The following EFCAB8 variants were observed in gnomAD, a reference collection of about 807,000 sequenced individuals.
EFCAB8 encodes EF-hand calcium binding domain 8, also known as EF-hand calcium-binding domain-containing protein 8.
Under a neutral mutation model 116.3 loss-of-function variants are expected in EFCAB8, and 100 were observed. The ratio of observed to expected loss-of-function variants is 0.86; its 90% CI spans 0.73 to 1.02. EFCAB8 has a LOEUF of 1.02. Among genes scored for constraint, EFCAB8 ranks in the 50% least tolerant of loss-of-function variants. The pLI, the probability that EFCAB8 is intolerant of heterozygous loss-of-function variation, is 0.00. For missense variants in EFCAB8, 1,320 were observed against 1,416.9 expected, an observed-to-expected ratio of 0.93 and a Z score of 1.10; for synonymous variants, 558 against 567.9, an observed-to-expected ratio of 0.98 and a Z score of 0.25.
At chr20:32,864,059 C>T (rs1186635707) in intron 2 of EFCAB8, among the ~76,000 whole-genome samples, 3 of 151,960 alleles carry the variant, frequency 2.0e-5, no homozygotes, top group African/African-American at 7.2e-5. Flanking sequence ...TCACTGAAAC[C>T]TCTGCCTCCT....
intron 1 of EFCAB8, among the ~76,000 whole-genome samples, chr20:32,859,850 A>G (rs1984012693): frequency 6.6e-6 from 1 of 152,236 alleles, no homozygotes; most frequent in Non-Finnish European, 1.5e-5. Flanking sequence ...TATAGAGTCC[A>G]TGTTCAAATT....
chr20:32,896,334 T>A, intron 9 of EFCAB8, 120 bp from the exon 10 acceptor site: 1 of 645,620 alleles, frequency 1.5e-6, no homozygotes, highest in Non-Finnish European at 2.8e-6. Context: ...AGGGTTTGGG[T>A]GGAAAAGCCT....
chr20:32,905,078 C>T (rs1986611868), intron 11 of EFCAB8, among the ~76,000 whole-genome samples: 1 of 152,180 alleles, frequency 6.6e-6, no homozygotes. Flanking sequence ...CTGGGCCTCT[C>T]CAGCCCTCTG....
chr20:32,904,399 C>G (rs557442295), intron 11 of EFCAB8, among the ~76,000 whole-genome samples: 1 of 151,408 alleles, frequency 6.6e-6, no homozygotes, highest in Admixed American at 6.6e-5. Flanking sequence ...CTCCTGGGTT[C>G]TAGCAATCCT....
chr20:32,940,806 A>G lies in EFCAB8; in HGVS notation c.2791-2830A>G, dbSNP rs1035001370. Among the ~76,000 whole-genome samples the G allele has an allele frequency of 1.0e-4, 15 of 150,140 alleles. 1 individual carries two copies. Among genetic ancestry groups the G allele is most frequent in the African/African-American group, 3.2e-4 (13 of 40,442 alleles). Reference sequence around the variant, plus strand: ...GAAGATGTACAAATGGCTAATAAGTATATTAAATGATGGTGAACATCATTA... The same window carrying G: ...GAAGATGTACAAATGGCTAATAAGTGTATTAAATGATGGTGAACATCATTA... On this transcript the variant is annotated intron_variant, in intron 22 of 26. Coordinates refer to ENST00000400522, the MANE Select transcript of EFCAB8 (RefSeq NM_001143967.2).
chr20:32,944,266 T>C (rs1377059765), intron 23 of EFCAB8, among the ~76,000 whole-genome samples: 2 of 152,020 alleles, frequency 1.3e-5, no homozygotes, highest in African/African-American at 4.8e-5. Flanking sequence ...TGTCTTCCTA[T>C]GTGTTTGTTT....
At chr20:32,871,729 G>T (rs2000291) in intron 3 of EFCAB8, among the ~76,000 whole-genome samples, 1 of 152,010 alleles carries the variant, frequency 6.6e-6, no homozygotes, top group Non-Finnish European at 1.5e-5. Context: ...GCTCCATACC[G>T]TGTCTTAGGC....
Position 32,878,697 on chromosome 20 carries a change from G to T in EFCAB8, c.328-7G>T. On this transcript the variant is annotated splice_region_variant and splice_polypyrimidine_tract_variant and intron_variant, in intron 4 of 26. Transcript: ENST00000400522. ...CCCTGCCTCCCTTGTGCTTTCTTTC[G>T]AGGCAGCAAAAGTATGTGGATTACA... 1 of 1,550,998 alleles carries T rather than the reference G, an allele frequency of 6.4e-7. No individual in the cohort carries two copies. The highest frequency in any genetic ancestry group is 1.2e-5 in the South Asian group (1 of 84,010).
Position 32,961,550 on chromosome 20 carries a change from A to G in EFCAB8, c.3808A>G (p.Arg1270Gly). Reference protein sequence around the residue: ...HIVSSFERPPRPLKATFMSSV... With the variant: ...HIVSSFERPPGPLKATFMSSV... ...TGTCTCCTCCTTCGAGCGGCCCCCA[A>G]GGCCTCTGAAGGCCACCTTCATGTC... is the stretch of plus-strand genomic sequence containing the variant. The change falls in exon 27 of 27, where the codon AGG (arginine) becomes GGG (glycine). Residue 1270 changes from arginine (R) to glycine (G), a missense_variant. Coordinates refer to ENST00000400522, the MANE Select transcript of EFCAB8 (RefSeq NM_001143967.2). 7.1e-6 allele frequency: 10 copies of G among 1,403,856 alleles called. No homozygotes were observed. The highest frequency in any genetic ancestry group is 9.3e-6 in the Non-Finnish European group (10 of 1,077,054). 87.0% of individuals were successfully genotyped at this position (1,403,856 alleles called of 1,614,324 possible). A position where few individuals can be genotyped will look rare whatever the true frequency, so the allele number is the denominator to read the frequency against.
chr20:32,870,966 C>T (rs1036525249), intron 3 of EFCAB8, among the ~76,000 whole-genome samples: 7 of 151,828 alleles, frequency 4.6e-5, no homozygotes, highest in East Asian at 1.9e-4. Context: ...TCAAGTGATT[C>T]GCCTGTCTCA....
At chr20:32,914,900 AT>A (rs34379554) in intron 17 of EFCAB8, among the ~76,000 whole-genome samples, 2 of 149,450 alleles carry the variant, frequency 1.3e-5, no homozygotes, top group Admixed American at 6.7e-5. Flanking sequence ...TTCTGCTTCC[AT>A]TTTTTTTTTC....
intron 3 of EFCAB8, among the ~76,000 whole-genome samples, chr20:32,868,601 C>T (rs1330548274): frequency 6.6e-6 from 1 of 152,176 alleles, no homozygotes; most frequent in Non-Finnish European, 1.5e-5. Flanking sequence ...TAAACCAATG[C>T]ACGTTTATCA....
intron 22 of EFCAB8, among the ~76,000 whole-genome samples, chr20:32,932,638 C>T (rs1279731639): frequency 6.6e-6 from 1 of 152,134 alleles, no homozygotes; most frequent in Non-Finnish European, 1.5e-5. Flanking sequence ...TATACTGGTA[C>T]TCATCTTGCT....
rs770981143 is a variant in EFCAB8 at position 32,898,669 on chromosome 20, AG to A, written c.1088+52del. On this transcript the variant is annotated intron_variant, in intron 11 of 26. Coordinates refer to ENST00000400522, the MANE Select transcript of EFCAB8 (RefSeq NM_001143967.2). ...GGCTAAGGCGGTGGGGCTGGAAGGG[AG>A]GGGGGTGGTGAGTGGACCATGGGGG... 1.0e-4 allele frequency: 72 copies of A among 694,322 alleles called. 1 individual carries two copies. The highest frequency in any genetic ancestry group is 2.8e-4 in the Admixed American group (14 of 49,418). The allele number at this position is 694,322 out of a possible 1,614,324, so 43.0% of individuals were successfully genotyped here.
In EFCAB8 at chr20:32,909,932, G is replaced by A; in HGVS notation, c.1557+1G>A. ...CCTCTACAGCAAGATCTTTAAGCAGGTGAGTGGCCCAGGGCTCGCCTCTGA... is the reference window on the plus strand; with the variant it reads ...CCTCTACAGCAAGATCTTTAAGCAGATGAGTGGCCCAGGGCTCGCCTCTGA... On this transcript the variant is annotated splice_donor_variant, in intron 15 of 26. Coordinates refer to ENST00000400522, the MANE Select transcript of EFCAB8 (RefSeq NM_001143967.2). LOFTEE classifies it high-confidence loss of function. The A allele has an allele frequency of 1.6e-6, 2 of 1,247,938 alleles. No individual in the cohort carries two copies. The highest frequency in any genetic ancestry group is 2.0e-6 in the Non-Finnish European group (2 of 986,874). The allele number at this position is 1,247,938 out of a possible 1,614,324, so 77.3% of individuals were successfully genotyped here. A position where few individuals can be genotyped will look rare whatever the true frequency, so the allele number is the denominator to read the frequency against.
chr20:32,903,999 C>T (rs915860026), intron 11 of EFCAB8, among the ~76,000 whole-genome samples: 2 of 151,880 alleles, frequency 1.3e-5, no homozygotes, highest in African/African-American at 4.8e-5. Flanking sequence ...ACTACAGATG[C>T]CTTTGAATGG....
chr20:32,891,098 G>A (rs1038268966), intron 7 of EFCAB8, among the ~76,000 whole-genome samples: 14 of 152,104 alleles, frequency 9.2e-5, no homozygotes, highest in Admixed American at 7.2e-4. Context: ...TGAGAATTTG[G>A]TGTTAAAACC....
chr20:32,884,962 C>T (rs1985534548), intron 5 of EFCAB8, among the ~76,000 whole-genome samples: 1 of 152,200 alleles, frequency 6.6e-6, no homozygotes, highest in Non-Finnish European at 1.5e-5. Context: ...GCCAGGCCTG[C>T]CCCCGGAGCT....
Position 32,876,459 on chromosome 20 carries a change from A to G in EFCAB8, c.327+415A>G, listed in dbSNP as rs768755694. ...AGTGTCAGGCTTTTACAGCATCATA[A>G]TAATAATGCTTTCATGTTTTTCTGG... On this transcript the variant is annotated intron_variant, in intron 4 of 26. Coordinates refer to ENST00000400522, the MANE Select transcript of EFCAB8 (RefSeq NM_001143967.2). Among the ~76,000 whole-genome samples the G allele has an allele frequency of 1.6e-4, 24 of 152,218 alleles. 1 individual carries two copies. The highest frequency in any genetic ancestry group is 2.8e-4 in the Non-Finnish European group (19 of 68,044).
Sources: allele counts gnomAD v4.1 joint callset (sites outside exome capture counted in the v4.1 genomes callset), GRCh38; gene constraint gnomAD v4.1.1; transcripts MANE v1.5; gene names NCBI Gene and HGNC (gene_info 2026-07-23, HGNC 2026-07-21).